Variants in CTCF observed in about 807,000 individuals in gnomAD.
CTCF encodes the protein transcriptional repressor CTCF.
Under a neutral mutation model 72.3 loss-of-function variants are expected in CTCF, and 7 were observed. The ratio of observed to expected loss-of-function variants is 0.10; its 90% CI spans 0.06 to 0.18. CTCF has a LOEUF of 0.18. Ranked by LOEUF, CTCF falls within the 10% of genes least tolerant of loss-of-function variation. The pLI is 1.00. For missense variants in CTCF, 516 were observed against 949.1 expected, an observed-to-expected ratio of 0.54 and a Z score of 6.00; for synonymous variants, 374 against 315.8, an observed-to-expected ratio of 1.18 and a Z score of -1.95.
intron 10 of CTCF, among the ~76,000 whole-genome samples, chr16:67,633,174 T>C (rs748615951): frequency 7.9e-5 from 12 of 152,226 alleles, no homozygotes; most frequent in Non-Finnish European, 1.6e-4. Flanking sequence ...AATTGTGATG[T>C]TTGCTATAAG....
At chr16:67,581,801 C>G (rs1373175820) in intron 2 of CTCF, among the ~76,000 whole-genome samples, 7 of 152,086 alleles carry the variant, frequency 4.6e-5, no homozygotes, top group Admixed American at 4.6e-4. Flanking sequence ...TAGCACACAG[C>G]GCTAATTTTT....
chr16:67,577,629 TAG>T, intron 2 of CTCF, among the ~76,000 whole-genome samples: 1 of 151,578 alleles, frequency 6.6e-6, no homozygotes, highest in South Asian at 2.1e-4. Context: ...TTTTTTTTAG[TAG>T]AGACGGGATT....
chr16:67,582,037 T>TA (rs2142743744), intron 2 of CTCF, among the ~76,000 whole-genome samples: 1 of 151,680 alleles, frequency 6.6e-6, no homozygotes, highest in African/African-American at 2.4e-5. Flanking sequence ...TCCTGGCTAA[T>TA]ACGGTGAAAC....
intron 4 of CTCF, 101 bp downstream of exon 4, chr16:67,612,222 T>A: frequency 9.6e-7 from 1 of 1,039,732 alleles, no homozygotes; most frequent in Non-Finnish European, 1.4e-6. Flanking sequence ...AGGAAGTTTT[T>A]ATTATTTCTT....
At chr16:67,592,807 A>G (rs989048803) in intron 2 of CTCF, among the ~76,000 whole-genome samples, 2 of 152,042 alleles carry the variant, frequency 1.3e-5, no homozygotes, top group African/African-American at 4.8e-5. Context: ...TGGGTGGATC[A>G]CTTGAGCTCA....
intron 2 of CTCF, among the ~76,000 whole-genome samples, chr16:67,582,509 A>G (rs2051597854): frequency 6.6e-6 from 1 of 152,082 alleles, no homozygotes; most frequent in Admixed American, 6.6e-5. Flanking sequence ...CTTGGGCGAC[A>G]TGATGAAACT....
intron 2 of CTCF, among the ~76,000 whole-genome samples, chr16:67,592,894 G>A (rs1311479871): frequency 1.3e-5 from 2 of 151,660 alleles, no homozygotes; most frequent in East Asian, 3.9e-4. Context: ...GGGCACAGTG[G>A]CATGTGCCTG....
intron 2 of CTCF, among the ~76,000 whole-genome samples, chr16:67,600,676 T>C (rs1248165495): frequency 6.6e-6 from 1 of 152,134 alleles, no homozygotes; most frequent in Non-Finnish European, 1.5e-5. Flanking sequence ...CACCTAGTCA[T>C]AAGGACAGAT....
intron 4 of CTCF, chr16:67,615,877 T>A (rs2142837635): frequency 6.6e-6 from 1 of 152,350 alleles, no homozygotes; most frequent in South Asian, 2.1e-4. Context: ...CTGGTTCTAT[T>A]CATTACATTG....
At position 67,611,483 on chromosome 16, in the gene CTCF, G is replaced by A; in HGVS notation, c.651G>A (p.Glu217=). The A allele has an allele frequency of 6.2e-7, 1 of 1,614,166 alleles. No homozygotes were observed. Among genetic ancestry groups the A allele is most frequent in the Non-Finnish European group, 8.5e-7 (1 of 1,180,036 alleles). The change falls in exon 3 of 12, where the codon GAG becomes GAA. Residue 217 remains glutamate, a synonymous_variant. Coordinates refer to ENST00000264010, the MANE Select transcript of CTCF (RefSeq NM_006565.4). ...TKKSKLRYTE[E]GKDVDVSVYD... is the part of the protein sequence containing the mutation. ...AGAGCAAACTGCGTTATACAGAGGAGGGCAAAGATGTAGATGTGTCTGTCT... is the reference window on the plus strand; with the variant it reads ...AGAGCAAACTGCGTTATACAGAGGAAGGCAAAGATGTAGATGTGTCTGTCT...
intron 2 of CTCF, among the ~76,000 whole-genome samples, chr16:67,587,502 C>G (rs2051683779): frequency 6.6e-6 from 1 of 151,790 alleles, no homozygotes; most frequent in African/African-American, 2.4e-5. Flanking sequence ...TGACAGTTCA[C>G]CCTATCATGT....
At chr16:67,590,559 G>A (rs1322979392) in intron 2 of CTCF, among the ~76,000 whole-genome samples, 2 of 151,226 alleles carry the variant, frequency 1.3e-5, no homozygotes, top group African/African-American at 4.9e-5. Context: ...GGATGGTCTC[G>A]ATCTCCTGAC....
chr16:67,586,992 G>A (rs2142755689), intron 2 of CTCF, among the ~76,000 whole-genome samples: 1 of 151,474 alleles, frequency 6.6e-6, no homozygotes, highest in African/African-American at 2.4e-5. Context: ...ACAAGGTTTT[G>A]CCATGTTGCT....
chr16:67,606,898 C>T lies in CTCF; in HGVS notation c.-9-3926C>T, dbSNP rs965080849. ...GAGCCTCACTCAGCCTTCCAAGTAG[C>T]TGGGATTAGAGGCACACCCCACCAC... On this transcript the variant is annotated intron_variant, in intron 2 of 11. Transcript: ENST00000264010. Among the ~76,000 whole-genome samples, 7 of 151,642 alleles carry T rather than the reference C, an allele frequency of 4.6e-5. No homozygotes were observed. In the South Asian group the frequency reaches 1.5e-3, roughly 32 times the overall value.
At chr16:67,623,673 C>A (rs544490506) in intron 7 of CTCF, among the ~76,000 whole-genome samples, 1 of 151,858 alleles carries the variant, frequency 6.6e-6, no homozygotes, top group East Asian at 2.0e-4. Context: ...GTGGCTCACA[C>A]CTGTAGTTTC....
intron 10 of CTCF, among the ~76,000 whole-genome samples, chr16:67,630,547 G>A (rs180998191): frequency 2.0e-5 from 3 of 152,208 alleles, no homozygotes; most frequent in Admixed American, 6.5e-5. Flanking sequence ...TTGAGGTCAG[G>A]AGTTCGAGAC....
At chr16:67,594,451 G>A (rs1045486426) in intron 2 of CTCF, among the ~76,000 whole-genome samples, 2 of 151,718 alleles carry the variant, frequency 1.3e-5, no homozygotes, top group African/African-American at 2.4e-5. Flanking sequence ...TATATTCTCA[G>A]CATTTTGTGG....
intron 3 of CTCF, 48 bp from the exon 4 acceptor site, chr16:67,611,903 T>G: frequency 6.5e-7 from 1 of 1,527,974 alleles, no homozygotes; most frequent in Admixed American, 1.7e-5. Context: ...GGATTAATCT[T>G]AACACTTTGA....
chr16:67,631,172 G>GTTTT (rs367618037), intron 10 of CTCF, among the ~76,000 whole-genome samples: 4 of 121,436 alleles, frequency 3.3e-5, no homozygotes, highest in Non-Finnish European at 5.1e-5. Context: ...TTTGTTTTTT[G>GTTTT]TTTTTTTTTT....
Sources: allele counts gnomAD v4.1 joint callset (sites outside exome capture counted in the v4.1 genomes callset), GRCh38; gene constraint gnomAD v4.1.1; transcripts MANE v1.5; gene names NCBI Gene and HGNC (gene_info 2026-07-23, HGNC 2026-07-21).